The following CCDC3 variants were observed in gnomAD, a reference collection of about 807,000 sequenced individuals.
CCDC3 encodes coiled-coil domain-containing protein 3.
Under a neutral mutation model 21.4 loss-of-function variants are expected in CCDC3, and 24 were observed. The observed-to-expected ratio is 1.12, with a 90% CI of 0.81 to 1.58. The LOEUF is 1.58. Ranked by LOEUF, CCDC3 falls within the 40% of genes most tolerant of loss-of-function variation. The pLI, the probability that CCDC3 is intolerant of heterozygous loss-of-function variation, is 0.00. For missense variants in CCDC3, 425 were observed against 360.9 expected, an observed-to-expected ratio of 1.18 and a Z score of -1.44; for synonymous variants, 186 against 166.0, an observed-to-expected ratio of 1.12 and a Z score of -0.93.
intron 2 of CCDC3, among the ~76,000 whole-genome samples, chr10:12,945,674 T>A (rs1257218730): frequency 1.3e-5 from 2 of 152,254 alleles, no homozygotes; most frequent in Non-Finnish European, 2.9e-5. Context: ...GGTTTTTCTT[T>A]ACCTTTTAAG....
At chr10:12,993,086 C>A (rs1835704329) in intron 2 of CCDC3, among the ~76,000 whole-genome samples, 1 of 152,232 alleles carries the variant, frequency 6.6e-6, no homozygotes. Flanking sequence ...TGCCACTACT[C>A]CATGGGATGT....
intron 4 of CCDC3, among the ~76,000 whole-genome samples, chr10:13,055,094 T>C (rs936085768): frequency 1.4e-4 from 21 of 152,174 alleles, no homozygotes; most frequent in Non-Finnish European, 2.1e-4. Context: ...GGCCCAAACA[T>C]CATGAAGACT....
intron 3 of CCDC3, among the ~76,000 whole-genome samples, chr10:13,078,665 G>A (rs1330717220): frequency 6.6e-6 from 1 of 152,134 alleles, no homozygotes; most frequent in Non-Finnish European, 1.5e-5. Context: ...ATACACCCTG[G>A]AATACTATGC....
At chr10:12,961,520 G>A (rs1364012427) in intron 2 of CCDC3, among the ~76,000 whole-genome samples, 1 of 152,178 alleles carries the variant, frequency 6.6e-6, no homozygotes, top group African/African-American at 2.4e-5. Context: ...CATGGTCATT[G>A]TGAGCCTTTG....
intron 3 of CCDC3, chr10:13,074,153 A>ATAT (rs1365749317): frequency 4.7e-5 from 3 of 64,308 alleles, no homozygotes; most frequent in African/African-American, 2.1e-4. Flanking sequence ...ATATATATAT[A>ATAT]TTTTTTTTTT....
At chr10:12,994,044 A>C (rs1034038296) in intron 2 of CCDC3, among the ~76,000 whole-genome samples, 1 of 152,206 alleles carries the variant, frequency 6.6e-6, no homozygotes, top group Non-Finnish European at 1.5e-5. Context: ...TGTGCCCTTC[A>C]TATCTACAGT....
At chr10:13,070,880 TATC>T (rs952212325) in intron 4 of CCDC3, among the ~76,000 whole-genome samples, 3 of 152,230 alleles carry the variant, frequency 2.0e-5, no homozygotes, top group Non-Finnish European at 4.4e-5. Context: ...TTTCAAAACT[TATC>T]ATTAGGTTCT....
At chr10:13,066,960 G>C (rs548441773) in intron 4 of CCDC3, among the ~76,000 whole-genome samples, 15 of 152,294 alleles carry the variant, frequency 9.8e-5, no homozygotes, top group Non-Finnish European at 1.8e-4. Context: ...TGACAAGCTA[G>C]AGCCCAGTTT....
intron 2 of CCDC3, among the ~76,000 whole-genome samples, chr10:12,944,159 AT>A (rs1256667897): frequency 6.6e-6 from 1 of 152,224 alleles, no homozygotes; most frequent in East Asian, 1.9e-4. Context: ...TTTCTTTGAC[AT>A]ATTCCAAAAT....
intron 2 of CCDC3, among the ~76,000 whole-genome samples, chr10:12,985,812 A>G (rs971656560): frequency 2.6e-5 from 4 of 152,190 alleles, no homozygotes; most frequent in African/African-American, 7.2e-5. Context: ...TGGTGATGGG[A>G]CAGTTCTGTA....
chr10:13,026,254 C>T (rs907454473), intron 5 of CCDC3, among the ~76,000 whole-genome samples: 1 of 152,240 alleles, frequency 6.6e-6, no homozygotes, highest in Non-Finnish European at 1.5e-5. Flanking sequence ...GTCACTCTCC[C>T]ACCCACTTTA....
At chr10:12,951,449 C>T (rs914744547) in intron 2 of CCDC3, among the ~76,000 whole-genome samples, 6 of 152,146 alleles carry the variant, frequency 3.9e-5, no homozygotes, top group African/African-American at 1.2e-4. Flanking sequence ...CTGTGAAATC[C>T]ATCCGGGGGT....
chr10:13,071,393 T>C (rs1004003264), intron 4 of CCDC3, among the ~76,000 whole-genome samples: 3 of 152,094 alleles, frequency 2.0e-5, no homozygotes, highest in African/African-American at 7.2e-5. Context: ...CAGAGACAGA[T>C]GATAATGGCA....
intron 5 of CCDC3, among the ~76,000 whole-genome samples, chr10:13,048,831 AAGAG>A (rs1033091308): frequency 3.9e-5 from 6 of 152,200 alleles, no homozygotes; most frequent in African/African-American, 1.2e-4. Flanking sequence ...GAGTGTGTGT[AAGAG>A]AGAGGGAGAT....
intron 3 of CCDC3, among the ~76,000 whole-genome samples, chr10:13,080,559 T>TA (rs752778537): frequency 2.6e-5 from 4 of 152,104 alleles, no homozygotes; most frequent in Non-Finnish European, 5.9e-5. Flanking sequence ...ATTAAAAGGT[T>TA]AAAAAAAGGT....
At chr10:13,059,130 G>A (rs1482789827) in intron 4 of CCDC3, among the ~76,000 whole-genome samples, 3 of 152,158 alleles carry the variant, frequency 2.0e-5, no homozygotes, top group African/African-American at 4.8e-5. Context: ...GCTGGCATAC[G>A]CACACTTCGT....
At chr10:13,071,204 G>A (rs1836878136) in intron 4 of CCDC3, among the ~76,000 whole-genome samples, 1 of 152,148 alleles carries the variant, frequency 6.6e-6, no homozygotes, top group Admixed American at 6.5e-5. Flanking sequence ...ATCTAGGGGT[G>A]TCACAAGACA....
intron 5 of CCDC3, among the ~76,000 whole-genome samples, chr10:13,018,459 AC>A (rs1461142381): frequency 6.6e-6 from 1 of 152,192 alleles, no homozygotes; most frequent in African/African-American, 2.4e-5. Context: ...GGGAAAGTTT[AC>A]AAAGACTCCC....
chr10:13,027,759 G>A lies in CCDC3; in HGVS notation c.-2+21915C>T, dbSNP rs1371537. On this transcript the variant is annotated intron_variant, in intron 5 of 6. Transcript: ENST00000378839. ...AAAAAAAAACTACTCAGTACTTTCC[G>A]CACCTGAGCTCATTTAATCAATACG... 8.9e-3 allele frequency among the ~76,000 whole-genome samples: 1,344 copies of A among 150,792 alleles called. 36 individuals carry two copies. The highest frequency in any genetic ancestry group is 0.074 in the South Asian group (351 of 4,750).
Sources: gnomAD v4.1 joint callset for allele counts (sites outside exome capture counted in the v4.1 genomes callset) on GRCh38, gnomAD v4.1.1 for gene constraint, MANE v1.5 for transcripts, NCBI Gene and HGNC (gene_info 2026-07-23, HGNC 2026-07-21) for gene names.